The following TTN variants were observed in gnomAD, a reference collection of about 807,000 sequenced individuals.
The protein encoded by TTN is connectin.
A neutral mutation model predicts 3,223.0 loss-of-function variants in TTN; 1,525 were observed. That is an observed-to-expected ratio of 0.47 (90% CI 0.45 to 0.49). The LOEUF is 0.49. Among genes scored for constraint, TTN ranks in the 20% least tolerant of loss-of-function variants. The probability of loss-of-function intolerance (pLI) is 0.00; values close to 1 mark genes in which losing one functional copy is unlikely to be tolerated. For synonymous variants in TTN, 14,094 were observed against 15,161.0 expected, an observed-to-expected ratio of 0.93 and a Z score of 5.17; for missense variants, 40,786 against 43,424.0, an observed-to-expected ratio of 0.94 and a Z score of 5.40.
chr2:178,627,365 A>G (rs1399458159), intron 240 of TTN, among the ~76,000 whole-genome samples: 7 of 151,992 alleles, frequency 4.6e-5, no homozygotes, highest in Non-Finnish European at 8.8e-5. Flanking sequence ...ATTTTTACAT[A>G]AAATGAGTAT....
Position 178,634,562 on chromosome 2 carries a change from G to T in TTN, c.42219C>A (p.Phe14073Leu). 2 of 1,613,262 alleles carry T rather than the reference G, an allele frequency of 1.2e-6. No homozygotes were observed. Among genetic ancestry groups the T allele is most frequent in the Non-Finnish European group, 1.7e-6 (2 of 1,179,522 alleles). The stretch of plus-strand genomic sequence containing the variant: ...TTGCCTCTCGGGTGAGGACACATTC[G>T]AATCGAGCCTGTCGCCTTTCTGGAA... ...VTVPERRQAR[F>L]ECVLTREANV... The change falls in exon 230 of 363, where the codon TTC becomes TTA. Residue 14073 changes from phenylalanine to leucine, a missense_variant. Coordinates refer to ENST00000589042, the MANE Select transcript of TTN (RefSeq NM_001267550.2). This position sits in a 1 kb window ranked among gnomAD's most constrained non-coding sequence, Gnocchi z 4.6.
At chr2:178,583,475 G>A in intron 312 of TTN, 132 bp downstream of exon 312, 1 of 1,015,472 alleles carries the variant, frequency 9.8e-7, no homozygotes, top group Non-Finnish European at 1.4e-6. Flanking sequence ...TAATCATAAT[G>A]TTTGTGTCTA....
At position 178,558,101 on chromosome 2, in the gene TTN, G is replaced by A. The variant is rs376026291; in HGVS notation, c.87253C>T (p.Leu29085Phe). 4.4e-5 allele frequency: 71 copies of A among 1,613,744 alleles called. No homozygotes were observed. The highest frequency in any genetic ancestry group is 5.8e-5 in the Non-Finnish European group (69 of 1,179,842). Residue 29085 changes from leucine to phenylalanine, a missense_variant, in exon 328 of 363, where the codon CTT becomes TTT. Physicochemically the swap from Leu to Phe is conservative, Grantham distance 22. Coordinates refer to ENST00000589042, the MANE Select transcript of TTN (RefSeq NM_001267550.2). ...GTATTAAATCTCATGGTTGCCTTAA[G>A]GGGGACACCATCTCTTGATAAGGTC... Reference protein sequence around the residue: ...KVTLSRDGVPLKATMRFNTEI... With the variant: ...KVTLSRDGVPFKATMRFNTEI...
In TTN at chr2:178,568,621, T is replaced by C. The variant is rs371581948; in HGVS notation, c.77511A>G (p.Pro25837=). Residue 25837 remains proline (P), a synonymous_variant, in exon 326 of 363, where the codon CCA becomes CCG. Transcript: ENST00000589042. ...CATTGATTCTTGTGGTCTGCTTCAGTGGGAGACCATCTTTAGTCCAGGTAA... is the reference window on the plus strand; with the variant it reads ...CATTGATTCTTGTGGTCTGCTTCAGCGGGAGACCATCTTTAGTCCAGGTAA... ...PTITWTKDGL[P]LKQTTRINVT... is the part of the protein sequence containing the mutation. 6.2e-7 allele frequency: 1 copy of C among 1,613,426 alleles called. No homozygotes were observed. Among genetic ancestry groups the C allele is most frequent in the Non-Finnish European group, 8.5e-7 (1 of 1,179,538 alleles).
Position 178,555,131 on chromosome 2 carries a change from G to A in TTN, c.88328C>T (p.Pro29443Leu), listed in dbSNP as rs1464611812. The change falls in exon 331 of 363, where the codon CCT becomes CTT. Residue 29443 changes from proline to leucine, a missense_variant. Pro to Leu is a moderately conservative substitution (Grantham distance 98). Transcript: ENST00000589042. ...DSYGGPVIDL[P>L]LEYTEVVKYR... ...TTTGACAACTTCTGTATATTCTAGA[G>A]GCAAATCAATTACAGGACCACCTGC... 1 of 1,609,778 alleles carries A rather than the reference G, an allele frequency of 6.2e-7. No homozygotes were observed. Among genetic ancestry groups the A allele is most frequent in the African/African-American group, 1.3e-5 (1 of 74,626 alleles).
At chr2:178,583,939 C>G (rs568155673) in intron 311 of TTN, 33 bp from the exon 312 acceptor site, 187 of 1,481,450 alleles carry the variant, frequency 1.3e-4, no homozygotes, top group Non-Finnish European at 1.6e-4. Context: ...CACCATTTAT[C>G]TTACCAGCAG....
Position 178,567,608 on chromosome 2 carries a change from G to A in TTN, c.78524C>T (p.Pro26175Leu), listed in dbSNP as rs759843428. The A allele has an allele frequency of 6.2e-7, 1 of 1,611,828 alleles. No individual in the cohort carries two copies. ...AKNAAGAISK[P>L]SDSTGPITAK... ...AGTTATTGGTCCAGTACTGTCAGAG[G>A]GTTTACTTATTGCACCAGCTGCATT... Residue 26175 changes from proline to leucine, a missense_variant, in exon 326 of 363, where the codon CCC becomes CTC. By Grantham distance (98) the Pro-to-Leu change is moderately conservative (BLOSUM62 -3). Coordinates refer to ENST00000589042, the MANE Select transcript of TTN (RefSeq NM_001267550.2).
intron 47 of TTN, chr2:178,749,363 A>C: frequency 9.9e-6 from 16 of 1,613,030 alleles, no homozygotes; most frequent in Non-Finnish European, 1.3e-5. Context: ...GGGCTTGCTG[A>C]TTTTTATGGT....
chr2:178,802,291 T>G lies in TTN; in HGVS notation c.142A>C (p.Thr48Pro). ...ATCTGCACGCCGGGCAGAGTGGAAG[T>G]GGAAATCACCTGGCCATCCCTAAAC... ...SWFRDGQVISTSTLPGVQISF... is the reference protein window; with the variant it reads ...SWFRDGQVISPSTLPGVQISF... The change falls in exon 3 of 363, where the codon ACT (threonine) becomes CCT (proline). Residue 48 changes from threonine (T) to proline (P), a missense_variant. Coordinates refer to ENST00000589042, the MANE Select transcript of TTN (RefSeq NM_001267550.2). 6.2e-7 allele frequency: 1 copy of G among 1,614,036 alleles called. No homozygotes were observed. Among genetic ancestry groups the G allele is most frequent in the East Asian group, 2.2e-5 (1 of 44,854 alleles).
rs1018161156 is a variant in TTN, at chr2:178,799,354, T to C, written c.914+133A>G. On this transcript the variant is annotated intron_variant, in intron 6 of 362. Transcript: ENST00000589042. ...CCGTTTGTATGCTCCCCTAGAGGTTTGAGCAGCGGGACACTGAAGAAGCGA... is the reference window on the plus strand; with the variant it reads ...CCGTTTGTATGCTCCCCTAGAGGTTCGAGCAGCGGGACACTGAAGAAGCGA... 48 of 1,395,558 alleles carry C rather than the reference T, an allele frequency of 3.4e-5. No individual in the cohort carries two copies. In the Admixed American group the frequency reaches 9.0e-4, roughly 26 times the overall value. The allele number at this position is 1,395,558 out of a possible 1,614,324, so 86.4% of individuals were successfully genotyped here. A position where few individuals can be genotyped will look rare whatever the true frequency, so the allele number is the denominator to read the frequency against.
intron 1 of TTN, among the ~76,000 whole-genome samples, chr2:178,806,635 T>C (rs568409334): frequency 6.6e-6 from 1 of 152,356 alleles, no homozygotes; most frequent in African/African-American, 2.4e-5. Flanking sequence ...CCTTAGCACT[T>C]GCTCTTCACA....
Position 178,653,340 on chromosome 2 carries a change from A to C in TTN, c.38708-19T>G, listed in dbSNP as rs1167696767. ...TCTGGCACTTAAAAGATATTAGTAA[A>C]GTTACATGTAGAGCTATGGAGACTA... On this transcript the variant is annotated intron_variant, in intron 197 of 362. Transcript: ENST00000589042. 6.2e-7 allele frequency: 1 copy of C among 1,611,174 alleles called. No homozygotes were observed. Among genetic ancestry groups the C allele is most frequent in the Non-Finnish European group, 8.5e-7 (1 of 1,179,494 alleles).
In TTN at chr2:178,582,119, C is replaced by T. The variant is rs776226354; in HGVS notation, c.66250G>A (p.Gly22084Ser). The T allele has an allele frequency of 1.2e-6, 2 of 1,612,712 alleles. No individual in the cohort carries two copies. Among genetic ancestry groups the T allele is most frequent in the Non-Finnish European group, 1.7e-6 (2 of 1,179,510 alleles). ...AGCAAATAGCCAGTGATGGGTGAGC[C>T]CCCATCATCTGCTGGTGGCTTCCAG... ...VSWKPPADDGGSPITGYLLEK... is the reference protein window; with the variant it reads ...VSWKPPADDGSSPITGYLLEK... The change falls in exon 315 of 363, where the codon GGC becomes AGC. Residue 22084 changes from glycine to serine, a missense_variant. Coordinates refer to ENST00000589042, the MANE Select transcript of TTN (RefSeq NM_001267550.2).
chr2:178,734,672 C>A, intron 51 of TTN, 35 bp downstream of exon 51: 1 of 1,572,604 alleles, frequency 6.4e-7, no homozygotes, highest in South Asian at 1.2e-5. Flanking sequence ...AATCTTTTCT[C>A]AGAAAAATAC....
chr2:178,712,509 G>T lies in TTN; in HGVS notation c.27413C>A (p.Thr9138Asn). 1 of 1,613,752 alleles carries T rather than the reference G, an allele frequency of 6.2e-7. No individual in the cohort carries two copies. The highest frequency in any genetic ancestry group is 8.5e-7 in the Non-Finnish European group (1 of 1,179,798). The change falls in exon 95 of 363, where the codon ACT (threonine) becomes AAT (asparagine). Residue 9138 changes from threonine to asparagine, a missense_variant. Coordinates refer to ENST00000589042, the MANE Select transcript of TTN (RefSeq NM_001267550.2). ...PLILEGTFTG[T>N]PPISVTWKKN... is the part of the protein sequence containing the mutation. ...CTTCCAGGTAACCGAAATGGGAGGAGTTCCAGTGAATGTACCCTCTAGGAT... is the reference window on the plus strand; with the variant it reads ...CTTCCAGGTAACCGAAATGGGAGGATTTCCAGTGAATGTACCCTCTAGGAT...
rs1435676935 is a variant in TTN at position 178,663,857 on chromosome 2, A to G, written c.36410T>C (p.Leu12137Ser). The G allele has an allele frequency of 6.2e-7, 1 of 1,613,472 alleles. No individual in the cohort carries two copies. The highest frequency in any genetic ancestry group is 1.3e-5 in the African/African-American group (1 of 75,044). ...GACTTCAGGCTCTTTAGGAGGAGCCAAGGGCACTTTCTCTTCGCGGATAAC... is the reference window on the plus strand; with the variant it reads ...GACTTCAGGCTCTTTAGGAGGAGCCGAGGGCACTTTCTCTTCGCGGATAAC... ...KEVIREEKVPLAPPKEPEVPP... is the reference protein window; with the variant it reads ...KEVIREEKVPSAPPKEPEVPP... Residue 12137 changes from leucine to serine, a missense_variant, in exon 170 of 363, where the codon TTG (leucine) becomes TCG (serine). Transcript: ENST00000589042.
At chr2:178,751,751 C>G (rs189154521) in intron 47 of TTN, 1 of 1,612,882 alleles carries the variant, frequency 6.2e-7, no homozygotes, top group Admixed American at 1.7e-5. Flanking sequence ...TTTTATAATC[C>G]GACGAAGACC....
At position 178,572,828 on chromosome 2, in the gene TTN, C is replaced by T. The variant is rs794727456; in HGVS notation, c.73304G>A (p.Arg24435His). 1.2e-5 allele frequency: 20 copies of T among 1,613,152 alleles called. No homozygotes were observed. Among genetic ancestry groups the T allele is most frequent in the Middle Eastern group, 1.6e-4 (1 of 6,074 alleles). ...PPEIELDADL[R>H]KVVTIRACCT... ...GCAGGCCCTTATAGTAACAACTTTG[C>T]GCAGGTCAGCATCCAGTTCAATTTC... Residue 24435 changes from arginine to histidine, a missense_variant, in exon 326 of 363, where the codon CGC (arginine) becomes CAC (histidine). Transcript: ENST00000589042.
At position 178,657,562 on chromosome 2, in the gene TTN, T is replaced by C; in HGVS notation, c.37974A>G (p.Glu12658=). ...AGGGCACTTTCTTTTCAAGGACAACTTCTTTGGGAGCCTCTGGCACTTAAA... is the reference window on the plus strand; with the variant it reads ...AGGGCACTTTCTTTTCAAGGACAACCTCTTTGGGAGCCTCTGGCACTTAAA... ...PPVTVPEAPK[E]VVLEKKVPST... The change falls in exon 189 of 363, where the codon GAA becomes GAG. Residue 12658 remains glutamate, a synonymous_variant. Transcript: ENST00000589042. 6.3e-7 allele frequency: 1 copy of C among 1,577,566 alleles called. No individual in the cohort carries two copies. The highest frequency in any genetic ancestry group is 8.6e-7 in the Non-Finnish European group (1 of 1,166,764).
Sources: gnomAD v4.1 joint callset for allele counts (sites outside exome capture counted in the v4.1 genomes callset) on GRCh38, gnomAD v4.1.1 for gene constraint, Gnocchi (gnomAD v3.1) non-coding constraint, MANE v1.5 for transcripts, NCBI Gene and HGNC (gene_info 2026-07-23, HGNC 2026-07-21) for gene names.